SGCZ: variants seen among roughly 807,000 people sequenced by gnomAD.
SGCZ encodes sarcoglycan zeta.
SGCZ carries 40 observed loss-of-function variants against 41.3 expected under a neutral mutation model. The observed-to-expected ratio is 0.97, with a 90% confidence interval of 0.75 to 1.26. The LOEUF (loss-of-function observed/expected upper bound fraction) is 1.26. Ranked by LOEUF, SGCZ falls within the 50% of genes most tolerant of loss-of-function variation. The probability of loss-of-function intolerance (pLI) is 0.00; values close to 1 mark genes in which losing one functional copy is unlikely to be tolerated. For missense variants in SGCZ, 552 were observed against 369.8 expected (o/e 1.49, Z -4.04); for synonymous variants, 206 against 137.5 (o/e 1.50, Z -3.49).
chr8:15,226,871 T>C (rs1315036540), intron 1 of SGCZ, among the ~76,000 whole-genome samples: 3 of 152,142 alleles, frequency 2.0e-5, no homozygotes, highest in Non-Finnish European at 2.9e-5. Context: ...TAATGACCAG[T>C]TGGATGTACG....
At chr8:15,213,960 T>C (rs976615316) in intron 1 of SGCZ, among the ~76,000 whole-genome samples, 7 of 152,046 alleles carry the variant, frequency 4.6e-5, no homozygotes, top group Non-Finnish European at 8.8e-5. Flanking sequence ...GCTGTACTCT[T>C]TGACCTTGCA....
intron 1 of SGCZ, among the ~76,000 whole-genome samples, chr8:14,664,946 G>A (rs1807860655): frequency 6.6e-6 from 1 of 152,266 alleles, no homozygotes; most frequent in Non-Finnish European, 1.5e-5. Context: ...CTAGCACTAG[G>A]TGATCCTGGT....
At chr8:14,223,708 G>A (rs953405931) in intron 4 of SGCZ, among the ~76,000 whole-genome samples, 11 of 152,094 alleles carry the variant, frequency 7.2e-5, no homozygotes, top group Non-Finnish European at 1.5e-4. Context: ...GGAACCACCT[G>A]CCTATTCTGA....
intron 1 of SGCZ, among the ~76,000 whole-genome samples, chr8:14,658,345 C>G (rs1426117202): frequency 6.6e-6 from 1 of 152,154 alleles, no homozygotes; most frequent in Non-Finnish European, 1.5e-5. Context: ...TAGTCTGCTG[C>G]AATTGAACTC....
chr8:14,452,443 T>C lies in SGCZ; in HGVS notation c.234+102289A>G, dbSNP rs541116147. On this transcript the variant is annotated intron_variant, in intron 2 of 7. Transcript: ENST00000382080. ...GTGCAATTCCAAGAGTGAATATTAA[T>C]GTAAACTCCAGCCTGGGTGACAGAG... 1.6e-4 allele frequency among the ~76,000 whole-genome samples: 24 copies of C among 152,004 alleles called. 1 individual carries two copies. The South Asian group carries it at 4.6e-3, about 29-fold the overall frequency.
intron 2 of SGCZ, among the ~76,000 whole-genome samples, chr8:14,365,530 T>A (rs576293526): frequency 1.3e-5 from 2 of 152,232 alleles, no homozygotes; most frequent in East Asian, 1.9e-4. Context: ...TTTATTATAG[T>A]GTTTGTCTCA....
intron 1 of SGCZ, among the ~76,000 whole-genome samples, chr8:14,948,000 T>C (rs1319595010): frequency 2.0e-5 from 3 of 152,194 alleles, no homozygotes; most frequent in Non-Finnish European, 2.9e-5. Flanking sequence ...CATTTTTGCA[T>C]TGTTTGAAGA....
At chr8:14,802,727 G>A (rs1444599264) in intron 1 of SGCZ, among the ~76,000 whole-genome samples, 1 of 152,170 alleles carries the variant, frequency 6.6e-6, no homozygotes, top group African/African-American at 2.4e-5. Flanking sequence ...TGGTGTTTTA[G>A]CATGTGTATT....
chr8:15,054,809 A>C (rs1289589229), intron 1 of SGCZ, among the ~76,000 whole-genome samples: 1 of 151,702 alleles, frequency 6.6e-6, no homozygotes, highest in Non-Finnish European at 1.5e-5. Context: ...ACAAAAAAAA[A>C]AAATTAGCCG....
At chr8:14,937,327 G>C (rs894833577) in intron 1 of SGCZ, among the ~76,000 whole-genome samples, 1 of 151,974 alleles carries the variant, frequency 6.6e-6, no homozygotes, top group African/African-American at 2.4e-5. Flanking sequence ...ACATCAAATA[G>C]TGAATAGATG....
At chr8:14,805,297 G>A (rs1461100229) in intron 1 of SGCZ, among the ~76,000 whole-genome samples, 1 of 92,730 alleles carries the variant, frequency 1.1e-5, no homozygotes, top group African/African-American at 3.7e-5. Flanking sequence ...GTTGGATAAA[G>A]AGTCAAGACC....
At position 14,388,587 on chromosome 8, in the gene SGCZ, T is replaced by G. The variant is rs145291913; in HGVS notation, c.235-64383A>C. Reference sequence around the variant, plus strand: ...TCAGAATTTTTATGGTACGAGAACTTCAACCTGAAAAATAAATGTTGAAAC... The same window carrying G: ...TCAGAATTTTTATGGTACGAGAACTGCAACCTGAAAAATAAATGTTGAAAC... On this transcript the variant is annotated intron_variant, in intron 2 of 7. Coordinates refer to ENST00000382080, the MANE Select transcript of SGCZ (RefSeq NM_139167.4). Among the ~76,000 whole-genome samples the G allele has an allele frequency of 1.1e-4, 16 of 152,134 alleles. No homozygotes were observed. The East Asian group carries it at 3.1e-3, about 29-fold the overall frequency.
intron 1 of SGCZ, among the ~76,000 whole-genome samples, chr8:15,195,966 T>C (rs3988424): frequency 0.53 from 73,051 of 138,430 alleles, 21,484 homozygotes; most frequent in African/African-American, 0.67. Flanking sequence ...GGCGCGATCT[T>C]GGCTCACTGC....
At chr8:14,463,230 T>A (rs1314080869) in intron 2 of SGCZ, among the ~76,000 whole-genome samples, 1 of 151,306 alleles carries the variant, frequency 6.6e-6, no homozygotes, top group East Asian at 1.9e-4. Flanking sequence ...GAATGGAATC[T>A]CATGAGAGCT....
At chr8:14,141,519 A>G (rs1273947855) in intron 5 of SGCZ, among the ~76,000 whole-genome samples, 1 of 152,258 alleles carries the variant, frequency 6.6e-6, no homozygotes, top group Non-Finnish European at 1.5e-5. Flanking sequence ...ATGAACAGAC[A>G]CTTCTCAAAA....
At chr8:14,221,040 C>T (rs375596584) in intron 4 of SGCZ, among the ~76,000 whole-genome samples, 6 of 151,752 alleles carry the variant, frequency 4.0e-5, no homozygotes, top group African/African-American at 1.5e-4. Flanking sequence ...CATGGGGAAG[C>T]CCAAGTAGAG....
intron 2 of SGCZ, among the ~76,000 whole-genome samples, chr8:14,430,358 G>C (rs999188165): frequency 6.6e-6 from 1 of 151,946 alleles, no homozygotes; most frequent in Non-Finnish European, 1.5e-5. Flanking sequence ...TAATCAAGTG[G>C]GTTTCATACC....
intron 1 of SGCZ, among the ~76,000 whole-genome samples, chr8:14,808,204 T>C (rs1801614283): frequency 1.3e-5 from 2 of 152,002 alleles, no homozygotes; most frequent in African/African-American, 4.8e-5. Flanking sequence ...CCAAAAGCAA[T>C]GGCAACAAAA....
chr8:14,998,500 T>A (rs919846499), intron 1 of SGCZ, among the ~76,000 whole-genome samples: 1 of 150,256 alleles, frequency 6.7e-6, no homozygotes, highest in African/African-American at 2.5e-5. Context: ...GCAGTGCATT[T>A]CAATTAAATC....
Sources: allele counts gnomAD v4.1 joint callset (sites outside exome capture counted in the v4.1 genomes callset), GRCh38; gene constraint gnomAD v4.1.1; transcripts MANE v1.5; gene names NCBI Gene and HGNC (gene_info 2026-07-23, HGNC 2026-07-21).